Variants in SEMA3D observed in about 807,000 individuals in gnomAD.
SEMA3D encodes the protein semaphorin-3D.
Under a neutral mutation model 100.1 loss-of-function variants are expected in SEMA3D, and 84 were observed. The observed-to-expected ratio is 0.84, with a 90% CI of 0.70 to 1.01. The LOEUF (loss-of-function observed/expected upper bound fraction) is 1.01. Among genes scored for constraint, SEMA3D ranks in the 50% least tolerant of loss-of-function variants. SEMA3D has a pLI of 0.00. For missense variants in SEMA3D, 875 were observed against 934.1 expected (o/e 0.94, Z 0.82); for synonymous variants, 312 against 320.7 (o/e 0.97, Z 0.29).
intron 1 of SEMA3D, among the ~76,000 whole-genome samples, chr7:85,179,179 G>T (rs1191261047): frequency 6.6e-6 from 1 of 152,186 alleles, no homozygotes; most frequent in South Asian, 2.1e-4. Context: ...CAAAGTAATG[G>T]AGTAGTGGCC....
chr7:85,049,496 G>A (rs2116039671), intron 9 of SEMA3D, among the ~76,000 whole-genome samples: 1 of 151,116 alleles, frequency 6.6e-6, no homozygotes, highest in Admixed American at 6.6e-5. Flanking sequence ...GGTAGAATCA[G>A]AGTTCATTCA....
At position 85,081,571 on chromosome 7, in the gene SEMA3D, C is replaced by A. The variant is rs2116233761; in HGVS notation, c.321G>T (p.Trp107Cys). The part of the protein sequence containing the change: ...DLNKNFKKIY[W>C]PAAKERVELC... ...ATTCCACCCGTTCCTTTGCAGCAGG[C>A]CAATAAATCTGCAAAACATTTCAAA... Residue 107 changes from tryptophan (W) to cysteine (C), a missense_variant, in exon 5 of 19, where the codon TGG becomes TGT. Coordinates refer to ENST00000284136, the MANE Select transcript of SEMA3D (RefSeq NM_001384900.1). 2 of 1,610,076 alleles carry A rather than the reference C, an allele frequency of 1.2e-6. No individual in the cohort carries two copies. Among genetic ancestry groups the A allele is most frequent in the East Asian group, 4.5e-5 (2 of 44,764 alleles).
the SEMA3D span, among the ~76,000 whole-genome samples, chr7:85,224,967 C>T: frequency 6.8e-6 from 1 of 147,874 alleles, no homozygotes; most frequent in East Asian, 2.0e-4. Context: ...TTTCGAAATA[C>T]AAAATTATTA....
chr7:84,999,297 C>T lies in SEMA3D; in HGVS notation c.*143G>A, dbSNP rs1008646297. On this transcript the variant is annotated 3_prime_UTR_variant, in exon 19 of 19. Transcript: ENST00000284136. Reference sequence around the variant, plus strand: ...ATTTTTTGCCCTTTCTTATATTCATCACATATTGTCTTATTCAGATTATTG... The same window carrying T: ...ATTTTTTGCCCTTTCTTATATTCATTACATATTGTCTTATTCAGATTATTG... 7.3e-6 allele frequency: 5 copies of T among 680,500 alleles called. No homozygotes were observed. In the African/African-American group the frequency reaches 9.0e-5, roughly 12 times the overall value. 42.2% of individuals were successfully genotyped at this position (680,500 alleles called of 1,614,324 possible). A position where few individuals can be genotyped will look rare whatever the true frequency, so the allele number is the denominator to read the frequency against.
chr7:85,091,466 A>G lies in SEMA3D; in HGVS notation c.312+6339T>C, dbSNP rs868160890. On this transcript the variant is annotated intron_variant, in intron 4 of 18. Transcript: ENST00000284136. ...TAAGTAACATAACCAAACAGAGAGTATTGCATATTTTTTTTTACCATCAAC... is the reference window on the plus strand; with the variant it reads ...TAAGTAACATAACCAAACAGAGAGTGTTGCATATTTTTTTTTACCATCAAC... Among the ~76,000 whole-genome samples the G allele has an allele frequency of 2.0e-5, 3 of 151,816 alleles. No homozygotes were observed. In the South Asian group the frequency reaches 6.2e-4, roughly 32 times the overall value.
chr7:85,052,781 G>T (rs182949636), intron 9 of SEMA3D, among the ~76,000 whole-genome samples: 6 of 151,966 alleles, frequency 3.9e-5, no homozygotes, highest in African/African-American at 1.4e-4. Flanking sequence ...AGTGCATTTT[G>T]CGCAGAAATT....
At chr7:85,183,301 G>A (rs1370725419) in intron 1 of SEMA3D, among the ~76,000 whole-genome samples, 2 of 152,136 alleles carry the variant, frequency 1.3e-5, no homozygotes, top group African/African-American at 4.8e-5. Flanking sequence ...TGGATTGAGA[G>A]CACAGTATGA....
chr7:84,999,480 T>C lies in SEMA3D; in HGVS notation c.2294A>G (p.His765Arg). ...TCTAGGGAGCTCATCCAGGTCTCTG[T>C]GATGTCTTCGATTTCGTTTCTTCTT... Reference protein sequence around the residue: ...EMKKKRNRRHHRDLDELPRAV... With the variant: ...EMKKKRNRRHRRDLDELPRAV... Residue 765 changes from histidine to arginine, a missense_variant, in exon 19 of 19, where the codon CAC becomes CGC. Physicochemically the swap from His to Arg is conservative, Grantham distance 29. Transcript: ENST00000284136. The C allele has an allele frequency of 6.2e-7, 1 of 1,614,114 alleles. No homozygotes were observed. The highest frequency in any genetic ancestry group is 1.1e-5 in the South Asian group (1 of 91,086).
chr7:85,157,704 C>T (rs538282427), intron 1 of SEMA3D: 2 of 939,562 alleles, frequency 2.1e-6, no homozygotes, highest in African/African-American at 1.8e-5. Context: ...AAAGGCTCTG[C>T]TGGGCAGAGG....
upstream of SEMA3D, among the ~76,000 whole-genome samples, chr7:85,187,104 C>A (rs1791579837): frequency 6.6e-6 from 1 of 152,164 alleles, no homozygotes; most frequent in Admixed American, 6.5e-5. Context: ...CCCTTCCGAT[C>A]TCCTCCCCCA....
chr7:85,007,031 G>T, intron 17 of SEMA3D, 90 bp from the exon 18 acceptor site: 1 of 921,012 alleles, frequency 1.1e-6, no homozygotes, highest in Non-Finnish European at 1.6e-6. Context: ...ATGCCATGGG[G>T]AAAGAATCAT....
intron 5 of SEMA3D, among the ~76,000 whole-genome samples, chr7:85,081,009 T>C (rs1788042279): frequency 6.6e-6 from 1 of 152,222 alleles, no homozygotes. Flanking sequence ...GCCAGAATGC[T>C]GTCATTCATT....
chr7:85,001,174 G>A (rs183430192), intron 18 of SEMA3D, among the ~76,000 whole-genome samples: 34 of 152,266 alleles, frequency 2.2e-4, no homozygotes, highest in Admixed American at 2.0e-3. Flanking sequence ...CAGCTGGCGG[G>A]GAACCATTTG....
chr7:85,229,658 T>C, the SEMA3D span, among the ~76,000 whole-genome samples: 1 of 152,078 alleles, frequency 6.6e-6, no homozygotes, highest in Non-Finnish European at 1.5e-5. Flanking sequence ...CTTAGCAGCA[T>C]TCAAAATGAA....
the SEMA3D span, among the ~76,000 whole-genome samples, chr7:85,234,203 G>C: frequency 6.6e-6 from 1 of 152,266 alleles, no homozygotes; most frequent in Admixed American, 6.5e-5. Flanking sequence ...GAGACCCCCA[G>C]AAAGGCCACC....
the SEMA3D span, among the ~76,000 whole-genome samples, chr7:85,229,953 A>C: frequency 1.3e-5 from 2 of 152,188 alleles, no homozygotes; most frequent in Non-Finnish European, 2.9e-5. Flanking sequence ...AACTGCTTTA[A>C]ATAAAACTAA....
chr7:85,084,071 C>T (rs936592989), intron 4 of SEMA3D, among the ~76,000 whole-genome samples: 2 of 151,380 alleles, frequency 1.3e-5, no homozygotes, highest in Admixed American at 6.6e-5. Context: ...GGCGTGAACC[C>T]GGGAGGTGGA....
intron 11 of SEMA3D, among the ~76,000 whole-genome samples, chr7:85,038,197 TA>T (rs1444426798): frequency 6.6e-6 from 1 of 152,058 alleles, no homozygotes; most frequent in Non-Finnish European, 1.5e-5. Context: ...TAAAGTATAA[TA>T]AAAATAATAA....
At chr7:85,137,454 T>C (rs185934999) in intron 2 of SEMA3D, among the ~76,000 whole-genome samples, 1 of 152,004 alleles carries the variant, frequency 6.6e-6, no homozygotes, top group South Asian at 2.1e-4. Context: ...CAAGGGAATA[T>C]CTGCTCTTTA....
Sources: gnomAD v4.1 joint callset for allele counts (sites outside exome capture counted in the v4.1 genomes callset) on GRCh38, gnomAD v4.1.1 for gene constraint, MANE v1.5 for transcripts, NCBI Gene and HGNC (gene_info 2026-07-23, HGNC 2026-07-21) for gene names.